The following ARHGAP39 variants were observed in gnomAD, a reference collection of about 807,000 sequenced individuals.
ARHGAP39 encodes rho GTPase-activating protein 39.
A neutral mutation model predicts 106.9 loss-of-function variants in ARHGAP39; 44 were observed. That is an observed-to-expected ratio of 0.41 (90% CI 0.32 to 0.53). ARHGAP39 has a LOEUF of 0.53. Among genes scored for constraint, ARHGAP39 ranks in the 20% least tolerant of loss-of-function variants. The pLI, the probability that ARHGAP39 is intolerant of heterozygous loss-of-function variation, is 0.21. For missense variants in ARHGAP39, 1,496 were observed against 1,577.3 expected (o/e 0.95, Z 0.87); for synonymous variants, 768 against 693.2 (o/e 1.11, Z -1.69).
intron 1 of ARHGAP39, among the ~76,000 whole-genome samples, chr8:144,607,962 G>A (rs1489573983): frequency 6.6e-6 from 1 of 152,012 alleles, no homozygotes; most frequent in Non-Finnish European, 1.5e-5. Context: ...TTCAAGACCA[G>A]CCTAGCCAAC....
At chr8:144,690,996 C>T in the ARHGAP39 span, among the ~76,000 whole-genome samples, 30 of 152,032 alleles carry the variant, frequency 2.0e-4, no homozygotes, top group Admixed American at 1.2e-3. Flanking sequence ...CTGGGCTGGG[C>T]GCTTTGGGGC....
intron 1 of ARHGAP39, among the ~76,000 whole-genome samples, chr8:144,657,942 TA>T (rs58021571): frequency 0.024 from 3,723 of 152,072 alleles, 152 homozygotes; most frequent in African/African-American, 0.085. Context: ...AAAATAAAAA[TA>T]AAAAAACAAC....
intron 1 of ARHGAP39, among the ~76,000 whole-genome samples, chr8:144,609,135 G>A (rs1033109222): frequency 1.3e-5 from 2 of 152,144 alleles, no homozygotes; most frequent in Non-Finnish European, 2.9e-5. Context: ...CTAATCTCAG[G>A]GAAAGCATCC....
rs1818980339 is a variant in ARHGAP39 at position 144,581,292 on chromosome 8, G to A, written c.81-15C>T. ...CCCACTCCAACCTGGGGAGAGACAG[G>A]GTTAAGGCGGCTGGAGCCACGGCGG... On this transcript the variant is annotated splice_polypyrimidine_tract_variant and intron_variant, in intron 2 of 11. Transcript: ENST00000377307. 7 of 1,527,316 alleles carry A rather than the reference G, an allele frequency of 4.6e-6. No individual in the cohort carries two copies. The highest frequency in any genetic ancestry group is 5.3e-6 in the Non-Finnish European group (6 of 1,132,960). The allele number at this position is 1,527,316 out of a possible 1,614,324, so 94.6% of individuals were successfully genotyped here.
At chr8:144,653,744 ATAAC>A (rs1225775925) in intron 1 of ARHGAP39, among the ~76,000 whole-genome samples, 2 of 152,192 alleles carry the variant, frequency 1.3e-5, no homozygotes, top group Admixed American at 1.3e-4. Context: ...AGAAATTGTA[ATAAC>A]TATCAGGTCA....
chr8:144,691,008 C>T, the ARHGAP39 span, among the ~76,000 whole-genome samples: 1 of 152,098 alleles, frequency 6.6e-6, no homozygotes, highest in African/African-American at 2.4e-5. Flanking sequence ...CTTTGGGGCT[C>T]CTCAAAGCAG....
upstream of ARHGAP39, among the ~76,000 whole-genome samples, chr8:144,690,645 CTT>C (rs869059788): frequency 7.0e-6 from 1 of 142,878 alleles, no homozygotes; most frequent in African/African-American, 2.6e-5. Context: ...TTTTGCCTGC[CTT>C]TTTTTTTTTT....
intron 1 of ARHGAP39, among the ~76,000 whole-genome samples, chr8:144,656,831 A>AAAAAAAAAC (rs1821710548): frequency 6.6e-6 from 1 of 151,058 alleles, no homozygotes; most frequent in African/African-American, 2.4e-5. Flanking sequence ...AAAAAAAAAA[A>AAAAAAAAAC]AGTGAGTCTA....
At position 144,632,907 on chromosome 8, in the gene ARHGAP39, A is replaced by G. The variant is rs542253637; in HGVS notation, c.-81-27212T>C. On this transcript the variant is annotated intron_variant, in intron 1 of 11. Transcript: ENST00000377307. The stretch of plus-strand genomic sequence containing the variant: ...AAGAGGTGAATTATGAATCCAGCTC[A>G]AGAAATCTTCCGGGCCATGCTCAGT... 3.3e-5 allele frequency among the ~76,000 whole-genome samples: 5 copies of G among 152,392 alleles called. No individual in the cohort carries two copies. In the East Asian group the frequency reaches 7.7e-4, roughly 23 times the overall value.
At chr8:144,687,463 T>C (rs868609345), upstream of ARHGAP39, among the ~76,000 whole-genome samples, 5 of 4,446 alleles carry the variant, frequency 1.1e-3, no homozygotes, top group Non-Finnish European at 1.3e-3. Context: ...ACACTGGCGG[T>C]GAGCACTTCC....
chr8:144,618,577 G>GAGCCCCGAGGACGCGCCTC (rs1292004078), intron 1 of ARHGAP39, among the ~76,000 whole-genome samples: 3 of 152,254 alleles, frequency 2.0e-5, no homozygotes, highest in African/African-American at 7.2e-5. Context: ...CAGGCAGGCA[G>GAGCCCCGAGGACGCGCCTC]AGCCCCGAGG....
Position 144,646,890 on chromosome 8 carries a change from T to C in ARHGAP39, c.-82+38796A>G, listed in dbSNP as rs1465667797. On this transcript the variant is annotated intron_variant, in intron 1 of 11. Transcript: ENST00000377307. The surrounding 1 kb of genome is among the most constrained non-coding windows in gnomAD (Gnocchi z 5.7). ...ACACGCCCAGAGGGCCCCAGTGCCC[T>C]GTGGTTGGGGTGGTGTTTCCTTCTG... Among the ~76,000 whole-genome samples the C allele has an allele frequency of 6.6e-6, 1 of 151,686 alleles. No homozygotes were observed. Among genetic ancestry groups the C allele is most frequent in the Non-Finnish European group, 1.5e-5 (1 of 67,970 alleles).
intron 1 of ARHGAP39, among the ~76,000 whole-genome samples, chr8:144,643,246 G>C (rs1474200368): frequency 6.6e-6 from 1 of 152,038 alleles, no homozygotes; most frequent in Admixed American, 6.6e-5. Flanking sequence ...TGGACTGCTT[G>C]AACTCAGGTG....
chr8:144,600,466 C>T (rs530656597), intron 2 of ARHGAP39, among the ~76,000 whole-genome samples: 1 of 119,358 alleles, frequency 8.4e-6, no homozygotes, highest in Admixed American at 8.9e-5. Flanking sequence ...GGGTACCTAC[C>T]TGCGTGTGCA....
chr8:144,578,694 T>A (rs1030180638), intron 3 of ARHGAP39, among the ~76,000 whole-genome samples: 1 of 151,518 alleles, frequency 6.6e-6, no homozygotes, highest in African/African-American at 2.4e-5. Context: ...ACAAAAAAAA[T>A]ACAAAAATTA....
chr8:144,603,593 G>A (rs1453746317), intron 2 of ARHGAP39, among the ~76,000 whole-genome samples: 3 of 151,606 alleles, frequency 2.0e-5, no homozygotes, highest in Non-Finnish European at 2.9e-5. Context: ...AGGAGGCTGA[G>A]GCAGAAGAAA....
intron 1 of ARHGAP39, among the ~76,000 whole-genome samples, chr8:144,617,712 T>C (rs1240330634): frequency 6.6e-6 from 1 of 152,224 alleles, no homozygotes; most frequent in Non-Finnish European, 1.5e-5. Context: ...CCTGGCTTTG[T>C]TGGTTGCCTT....
intron 1 of ARHGAP39, among the ~76,000 whole-genome samples, chr8:144,632,445 G>C (rs1821085207): frequency 6.6e-6 from 1 of 152,232 alleles, no homozygotes. Flanking sequence ...GCCTCTGCCT[G>C]GTGGCCTCAG....
At chr8:144,695,087 A>G in the ARHGAP39 span, among the ~76,000 whole-genome samples, 13 of 143,860 alleles carry the variant, frequency 9.0e-5, no homozygotes, top group Non-Finnish European at 1.4e-4. Flanking sequence ...TTATTTATTT[A>G]TTTTTGAGCT....
Sources: gnomAD v4.1 joint callset for allele counts (sites outside exome capture counted in the v4.1 genomes callset) on GRCh38, gnomAD v4.1.1 for gene constraint, Gnocchi (gnomAD v3.1) non-coding constraint, MANE v1.5 for transcripts, NCBI Gene and HGNC (gene_info 2026-07-23, HGNC 2026-07-21) for gene names.